ADAM15: variants seen among roughly 807,000 people sequenced by gnomAD.
ADAM15 encodes the protein disintegrin and metalloproteinase domain-containing protein 15.
In ADAM15, 77 loss-of-function variants were observed where a neutral mutation model predicts 113.8. The ratio of observed to expected loss-of-function variants is 0.68; its 90% CI spans 0.56 to 0.82. ADAM15 has a LOEUF of 0.82. Among genes scored for constraint, ADAM15 ranks in the 40% least tolerant of loss-of-function variants. The pLI is 0.00. For missense variants in ADAM15, 963 were observed against 1,120.1 expected, an observed-to-expected ratio of 0.86 and a Z score of 2.00; for synonymous variants, 388 against 454.1, an observed-to-expected ratio of 0.85 and a Z score of 1.85.
chr1:155,052,720 C>A lies in ADAM15; in HGVS notation c.129C>A (p.Pro43=). 3 of 1,612,374 alleles carry A rather than the reference C, an allele frequency of 1.9e-6. No homozygotes were observed. The highest frequency in any genetic ancestry group is 2.5e-6 in the Non-Finnish European group (3 of 1,179,570). ...QAESEKAPRE[P]LEPQVLQDDL... ...AGTCAGAGAAGGCCCCGAGGGAGCC[C>A]TTGGAGCCCCAGGTCCTTCAGGACG... is the stretch of plus-strand genomic sequence containing the variant. The change falls in exon 2 of 23, where the codon CCC becomes CCA. Residue 43 remains proline, a synonymous_variant. Transcript: ENST00000356955.
chr1:155,062,124 T>G lies in ADAM15; in HGVS notation c.2425-121T>G. ...GTGCCTTTAATGGTGACAGGTTTGT[T>G]TGCAGACAAGGGTGACCGCTGGTGC... On this transcript the variant is annotated intron_variant, in intron 21 of 22. Transcript: ENST00000356955. The surrounding 1 kb of genome is among the most constrained non-coding windows in gnomAD (Gnocchi z 7.0). 6.9e-7 allele frequency: 1 copy of G among 1,458,924 alleles called. No homozygotes were observed. The highest frequency in any genetic ancestry group is 9.0e-7 in the Non-Finnish European group (1 of 1,106,852). 90.4% of individuals were successfully genotyped at this position (1,458,924 alleles called of 1,614,324 possible). A position where few individuals can be genotyped will look rare whatever the true frequency, so the allele number is the denominator to read the frequency against.
At position 155,057,352 on chromosome 1, in the gene ADAM15, G is replaced by C; in HGVS notation, c.1313G>C (p.Gly438Ala). The part of the protein sequence containing the change: ...FVEPGEQCDC[G>A]FLDDCVDPCC... ...GAGCCGGGCGAGCAGTGTGACTGTG[G>C]CTTCCTGGATGTGAGCCCCTTTCCC... The change falls in exon 12 of 23, where the codon GGC (glycine) becomes GCC (alanine). Residue 438 changes from glycine (G) to alanine (A), a missense_variant. Transcript: ENST00000356955. The surrounding 1 kb of genome is among the most constrained non-coding windows in gnomAD (Gnocchi z 5.0). 2 of 1,614,124 alleles carry C rather than the reference G, an allele frequency of 1.2e-6. No individual in the cohort carries two copies. Among genetic ancestry groups the C allele is most frequent in the Non-Finnish European group, 1.7e-6 (2 of 1,179,994 alleles).
At chr1:155,054,292 C>A in intron 5 of ADAM15, 22 bp from the exon 6 acceptor site, 3 of 1,584,132 alleles carry the variant, frequency 1.9e-6, no homozygotes, top group Non-Finnish European at 2.6e-6. Flanking sequence ...CTGAAATGTT[C>A]TCTGACTTTC....
In ADAM15 at chr1:155,051,395, G is replaced by T; in HGVS notation, c.9G>T (p.Leu3=). The T allele has an allele frequency of 6.5e-7, 1 of 1,528,754 alleles. No individual in the cohort carries two copies. Among genetic ancestry groups the T allele is most frequent in the South Asian group, 1.2e-5 (1 of 82,088 alleles). 94.7% of individuals were successfully genotyped at this position (1,528,754 alleles called of 1,614,324 possible). A position where few individuals can be genotyped will look rare whatever the true frequency, so the allele number is the denominator to read the frequency against. The part of the protein sequence containing the change: MR[L]ALLWALGLLG... The stretch of plus-strand genomic sequence containing the variant: ...CCCGGAGCGCCGCTGCCATGCGGCT[G>T]GCGCTGCTCTGGGCCCTGGGGCTCC... The change falls in exon 1 of 23, where the codon CTG becomes CTT. Residue 3 remains leucine (L), a synonymous_variant. Coordinates refer to ENST00000356955, the MANE Select transcript of ADAM15 (RefSeq NM_207197.3).
Position 155,062,557 on chromosome 1 carries a change from C to T in ADAM15, c.*55C>T, listed in dbSNP as rs1206487387. The T allele has an allele frequency of 2.5e-6, 4 of 1,594,234 alleles. No individual in the cohort carries two copies. Among genetic ancestry groups the T allele is most frequent in the Non-Finnish European group, 3.4e-6 (4 of 1,170,500 alleles). ...CGGACTTAGGGCTTCAAGAGGCGGG[C>T]GTGCCCTCTGGAGTCCCCTACCATG... On this transcript the variant is annotated 3_prime_UTR_variant, in exon 23 of 23. Coordinates refer to ENST00000356955, the MANE Select transcript of ADAM15 (RefSeq NM_207197.3). The surrounding 1 kb of genome is among the most constrained non-coding windows in gnomAD (Gnocchi z 7.0).
Position 155,062,163 on chromosome 1 carries a change from G to A in ADAM15, c.2425-82G>A. ...GACCGCTGGTGCTGCCCCCAAGCTG[G>A]TGTTCCCCAGCACCAGTGCGTTGGG... On this transcript the variant is annotated intron_variant, in intron 21 of 22. Coordinates refer to ENST00000356955, the MANE Select transcript of ADAM15 (RefSeq NM_207197.3). This position sits in a 1 kb window ranked among gnomAD's most constrained non-coding sequence, Gnocchi z 7.0. 1 of 1,444,584 alleles carries A rather than the reference G, an allele frequency of 6.9e-7. No individual in the cohort carries two copies. The highest frequency in any genetic ancestry group is 9.1e-7 in the Non-Finnish European group (1 of 1,096,564). 89.5% of individuals were successfully genotyped at this position (1,444,584 alleles called of 1,614,324 possible).
In ADAM15 at chr1:155,058,287, C is replaced by T. The variant is rs565984526; in HGVS notation, c.1763C>T (p.Thr588Ile). ...CAGCTCCAGTGCCAGACAGGTAGGACCCAGCCTCTGCTGGGCTCCATCCGG... is the reference window on the plus strand; with the variant it reads ...CAGCTCCAGTGCCAGACAGGTAGGATCCAGCCTCTGCTGGGCTCCATCCGG... ...CGQLQCQTGR[T>I]QPLLGSIRDL... The change falls in exon 15 of 23, where the codon ACC becomes ATC. Residue 588 changes from threonine to isoleucine, a missense_variant. Physicochemically the swap from Thr to Ile is moderately conservative, Grantham distance 89. Coordinates refer to ENST00000356955, the MANE Select transcript of ADAM15 (RefSeq NM_207197.3). This position sits in a 1 kb window ranked among gnomAD's most constrained non-coding sequence, Gnocchi z 4.3. The T allele has an allele frequency of 9.6e-5, 155 of 1,614,008 alleles. No individual in the cohort carries two copies. The South Asian group carries it at 1.5e-3, about 16-fold the overall frequency.
chr1:155,060,465 T>C, intron 18 of ADAM15, 122 bp downstream of exon 18: 1 of 1,378,962 alleles, frequency 7.3e-7, no homozygotes, highest in Middle Eastern at 1.9e-4. Context: ...TTAAAGTTGC[T>C]GACTGCCATA....
At position 155,057,507 on chromosome 1, in the gene ADAM15, T is replaced by G; in HGVS notation, c.1324-130T>G. 2 of 1,474,116 alleles carry G rather than the reference T, an allele frequency of 1.4e-6. No individual in the cohort carries two copies. Among genetic ancestry groups the G allele is most frequent in the South Asian group, 2.4e-5 (2 of 83,128 alleles). 91.3% of individuals were successfully genotyped at this position (1,474,116 alleles called of 1,614,324 possible). A position where few individuals can be genotyped will look rare whatever the true frequency, so the allele number is the denominator to read the frequency against. ...TTGCCCTGTCTGTGGGGACAGCACA[T>G]GGGTTGTTGGGCTCTAGCCCTCGCT... On this transcript the variant is annotated intron_variant, in intron 12 of 22. Transcript: ENST00000356955. The surrounding 1 kb of genome is among the most constrained non-coding windows in gnomAD (Gnocchi z 5.0).
Position 155,056,446 on chromosome 1 carries a change from T to C in ADAM15, c.975T>C (p.Pro325=), listed in dbSNP as rs935626871. The change falls in exon 10 of 23, where the codon CCT becomes CCC. Residue 325 remains proline (P), a synonymous_variant. Transcript: ENST00000356955. The surrounding 1 kb of genome is among the most constrained non-coding windows in gnomAD (Gnocchi z 4.0). ...GMAIQNSICS[P]DFSGGVNMDH... The stretch of plus-strand genomic sequence containing the variant: ...CCATTCAGAACTCCATCTGTTCTCC[T>C]GACTTCTCAGGAGGTGTGAACATGG... 2 of 1,614,182 alleles carry C rather than the reference T, an allele frequency of 1.2e-6. No individual in the cohort carries two copies. The highest frequency in any genetic ancestry group is 3.3e-5 in the Admixed American group (2 of 60,030).
chr1:155,060,891 C>T lies in ADAM15; in HGVS notation c.2277+59C>T, dbSNP rs1662483349. ...CCTTGGCCGGGCATCCAGCTTGGGC[C>T]CTGGGGGGTGCGCATTAAAGGCTCC... On this transcript the variant is annotated intron_variant, in intron 19 of 22. Coordinates refer to ENST00000356955, the MANE Select transcript of ADAM15 (RefSeq NM_207197.3). 6.6e-6 allele frequency: 10 copies of T among 1,513,866 alleles called. 1 individual carries two copies. The highest frequency in any genetic ancestry group is 4.5e-5 in the South Asian group (4 of 88,946). 93.8% of individuals were successfully genotyped at this position (1,513,866 alleles called of 1,614,324 possible).
Position 155,057,804 on chromosome 1 carries a change from G to T in ADAM15, c.1417-47G>T. 1 of 1,613,086 alleles carries T rather than the reference G, an allele frequency of 6.2e-7. No individual in the cohort carries two copies. Among genetic ancestry groups the T allele is most frequent in the South Asian group, 1.1e-5 (1 of 91,068 alleles). On this transcript the variant is annotated intron_variant, in intron 13 of 22. Transcript: ENST00000356955. The surrounding 1 kb of genome is among the most constrained non-coding windows in gnomAD (Gnocchi z 5.0). The stretch of plus-strand genomic sequence containing the variant: ...GTGGAAAGGGTCATTCTGACCCCCG[G>T]CTGGATTTGCTCAGTGCCCACACTG...
intron 18 of ADAM15, among the ~76,000 whole-genome samples, chr1:155,060,550 G>T (rs1204054022): frequency 6.6e-6 from 1 of 152,172 alleles, no homozygotes; most frequent in African/African-American, 2.4e-5. Flanking sequence ...TGGCTGGATT[G>T]CTAGGGCCAT....
Position 155,060,334 on chromosome 1 carries a change from G to T in ADAM15, c.2198G>T (p.Cys733Phe). The change falls in exon 18 of 23, where the codon TGC (cysteine) becomes TTC (phenylalanine). Residue 733 changes from cysteine (C) to phenylalanine (F), a missense_variant. Cys to Phe is a radical substitution (Grantham distance 205). Transcript: ENST00000356955. ...QRLCQLKGPTCQYRAAQSGPS... is the reference protein window; with the variant it reads ...QRLCQLKGPTFQYRAAQSGPS... The stretch of plus-strand genomic sequence containing the variant: ...CTCTGCCAGCTCAAGGGACCCACCT[G>T]CCAGTACAGGTATGAGCATCACCTC... 6.2e-7 allele frequency: 1 copy of T among 1,614,078 alleles called. No individual in the cohort carries two copies. Among genetic ancestry groups the T allele is most frequent in the South Asian group, 1.1e-5 (1 of 91,080 alleles).
At chr1:155,054,959 T>A (rs1351596242) in intron 6 of ADAM15, among the ~76,000 whole-genome samples, 2 of 152,196 alleles carry the variant, frequency 1.3e-5, no homozygotes, top group African/African-American at 4.8e-5. Flanking sequence ...AAATGGCCTA[T>A]CCATTTATTA....
chr1:155,059,949 C>T lies in ADAM15; in HGVS notation c.2043C>T (p.Pro681=). 1 of 1,614,058 alleles carries T rather than the reference C, an allele frequency of 6.2e-7. No homozygotes were observed. The highest frequency in any genetic ancestry group is 1.1e-5 in the South Asian group (1 of 91,078). ...RHCYCEEGWA[P]PDCTTQLKAT... is the part of the protein sequence containing the mutation. Reference sequence around the variant, plus strand: ...GCTACTGTGAGGAGGGCTGGGCACCCCCTGACTGCACCACTCAGCTCAAAG... The same window carrying T: ...GCTACTGTGAGGAGGGCTGGGCACCTCCTGACTGCACCACTCAGCTCAAAG... The change falls in exon 17 of 23, where the codon CCC becomes CCT. Residue 681 remains proline, a synonymous_variant. Transcript: ENST00000356955.
chr1:155,054,129 A>C, intron 4 of ADAM15, 21 bp from the exon 5 acceptor site: 1 of 1,613,790 alleles, frequency 6.2e-7, no homozygotes, highest in Non-Finnish European at 8.5e-7. Flanking sequence ...AGACAGCACT[A>C]ATGTTGTTCC....
At chr1:155,060,579 G>A (rs763391588) in intron 18 of ADAM15, among the ~76,000 whole-genome samples, 184 bp from the exon 19 acceptor site, 18 of 152,274 alleles carry the variant, frequency 1.2e-4, no homozygotes, top group Non-Finnish European at 2.2e-4. Flanking sequence ...AGGAGCCCCT[G>A]TGCTGGATAA....
At position 155,057,871 on chromosome 1, in the gene ADAM15, G is replaced by A. The variant is rs112503488; in HGVS notation, c.1437G>A (p.Gln479=). The part of the protein sequence containing the change: ...QNCQLRPSGW[Q]CRPTRGDCDL... ...CACAGCTGCGCCCGTCTGGCTGGCA[G>A]TGTCGTCCTACCAGAGGGGATTGTG... The change falls in exon 14 of 23, where the codon CAG becomes CAA. Residue 479 remains glutamine, a synonymous_variant. Transcript: ENST00000356955. This position sits in a 1 kb window ranked among gnomAD's most constrained non-coding sequence, Gnocchi z 5.0. 6.4e-5 allele frequency: 103 copies of A among 1,613,242 alleles called. No individual in the cohort carries two copies. Among genetic ancestry groups the A allele is most frequent in the Non-Finnish European group, 8.1e-5 (95 of 1,179,838 alleles).
Sources: allele counts gnomAD v4.1 joint callset (sites outside exome capture counted in the v4.1 genomes callset), GRCh38; gene constraint gnomAD v4.1.1; non-coding constraint Gnocchi (gnomAD v3.1); transcripts MANE v1.5; gene names NCBI Gene and HGNC (gene_info 2026-07-23, HGNC 2026-07-21).